KLHL1: variants seen among roughly 807,000 people sequenced by gnomAD.
KLHL1 encodes the protein kelch-like protein 1.
KLHL1 carries 47 observed loss-of-function variants against 77.7 expected under a neutral mutation model. That is an observed-to-expected ratio of 0.60 (90% CI 0.48 to 0.77). The LOEUF is 0.77. Among genes scored for constraint, KLHL1 ranks in the 30% least tolerant of loss-of-function variants. The probability of loss-of-function intolerance (pLI) is 0.00; values close to 1 mark genes in which losing one functional copy is unlikely to be tolerated. For synonymous variants in KLHL1, 360 were observed against 325.2 expected (o/e 1.11, Z -1.15); for missense variants, 925 against 910.8 (o/e 1.02, Z -0.20).
At chr13:69,712,159 C>CT in intron 9 of KLHL1, among the ~76,000 whole-genome samples, 1 of 152,118 alleles carries the variant, frequency 6.6e-6, no homozygotes, top group Admixed American at 6.6e-5. Flanking sequence ...TCTCCAACAA[C>CT]TTTTTACCCT....
intron 1 of KLHL1, among the ~76,000 whole-genome samples, chr13:70,024,620 T>TTCTCTCTCTC (rs5804459): frequency 8.7e-4 from 114 of 130,398 alleles, no homozygotes; most frequent in South Asian, 5.9e-3. Flanking sequence ...GAGAAAAGAT[T>TTCTCTCTCTC]TCTCTCTCTC....
intron 7 of KLHL1, among the ~76,000 whole-genome samples, chr13:69,773,529 G>A (rs1233273416): frequency 3.3e-5 from 5 of 152,014 alleles, no homozygotes; most frequent in Non-Finnish European, 7.4e-5. Context: ...GGTAATAAGA[G>A]AACATGTAGA....
At chr13:69,915,906 A>G (rs1326444404) in intron 4 of KLHL1, among the ~76,000 whole-genome samples, 1 of 152,200 alleles carries the variant, frequency 6.6e-6, no homozygotes, top group African/African-American at 2.4e-5. Flanking sequence ...AGAAAAAAAC[A>G]AACAACCGCA....
intron 7 of KLHL1, among the ~76,000 whole-genome samples, chr13:69,784,156 G>A (rs1220018905): frequency 6.6e-6 from 1 of 152,158 alleles, no homozygotes; most frequent in African/African-American, 2.4e-5. Flanking sequence ...TCACCACCAG[G>A]CTTGCCCTAC....
intron 6 of KLHL1, among the ~76,000 whole-genome samples, chr13:69,826,413 T>C (rs1178060144): frequency 1.3e-5 from 2 of 152,154 alleles, no homozygotes; most frequent in African/African-American, 4.8e-5. Context: ...GGTAAAATTT[T>C]GTGTCCACTA....
intron 4 of KLHL1, among the ~76,000 whole-genome samples, chr13:69,929,009 T>C (rs1373231740): frequency 6.6e-6 from 1 of 152,170 alleles, no homozygotes; most frequent in Non-Finnish European, 1.5e-5. Flanking sequence ...TATGCTCAAA[T>C]AATGTTTTGT....
intron 1 of KLHL1, among the ~76,000 whole-genome samples, chr13:70,064,588 A>G (rs1886964147): frequency 3.3e-5 from 5 of 152,178 alleles, no homozygotes. Context: ...TCCATTTTTC[A>G]TTAATATTCA....
chr13:69,924,159 G>A (rs1882736252), intron 4 of KLHL1, among the ~76,000 whole-genome samples: 1 of 152,198 alleles, frequency 6.6e-6, no homozygotes, highest in South Asian at 2.1e-4. Context: ...TGGCTTGCAG[G>A]TGCTCCTCAG....
At chr13:69,893,644 T>C (rs1881518142) in intron 4 of KLHL1, among the ~76,000 whole-genome samples, 1 of 152,220 alleles carries the variant, frequency 6.6e-6, no homozygotes, top group African/African-American at 2.4e-5. Flanking sequence ...TTATGTATGA[T>C]GCTCTAAATA....
chr13:69,762,624 CT>C (rs1417608418), intron 7 of KLHL1, among the ~76,000 whole-genome samples: 4 of 150,282 alleles, frequency 2.7e-5, no homozygotes, highest in Non-Finnish European at 4.4e-5. Flanking sequence ...ACTCTTGGAA[CT>C]GTGCACCCAT....
intron 1 of KLHL1, among the ~76,000 whole-genome samples, chr13:69,993,270 G>A (rs552292677): frequency 6.6e-6 from 1 of 152,104 alleles, no homozygotes; most frequent in South Asian, 2.1e-4. Context: ...GAACCACCAC[G>A]CTTGTAAACA....
chr13:69,827,469 C>G (rs557994943), intron 6 of KLHL1, among the ~76,000 whole-genome samples: 1 of 152,048 alleles, frequency 6.6e-6, no homozygotes, highest in South Asian at 2.1e-4. Flanking sequence ...TGGTGGCTCA[C>G]GCCTGTAATC....
At chr13:69,873,527 C>G (rs1880658679) in intron 5 of KLHL1, among the ~76,000 whole-genome samples, 1 of 152,188 alleles carries the variant, frequency 6.6e-6, no homozygotes, top group Non-Finnish European at 1.5e-5. Flanking sequence ...AAGTCTGAAT[C>G]AATATGCTCT....
chr13:69,963,042 CATTT>C (rs1215524810), intron 2 of KLHL1, among the ~76,000 whole-genome samples: 1 of 152,022 alleles, frequency 6.6e-6, no homozygotes, highest in South Asian at 2.1e-4. Context: ...TAGAGCCTAA[CATTT>C]ATTTGTTTGT....
chr13:69,832,034 G>T (rs906042987), intron 6 of KLHL1, among the ~76,000 whole-genome samples: 4 of 149,888 alleles, frequency 2.7e-5, no homozygotes, highest in Non-Finnish European at 5.9e-5. Context: ...CCTGAGAAGT[G>T]GAACAAGGCA....
chr13:69,999,167 C>T (rs575374871), intron 1 of KLHL1, among the ~76,000 whole-genome samples: 2 of 152,106 alleles, frequency 1.3e-5, no homozygotes, highest in East Asian at 3.9e-4. Flanking sequence ...GTATTATGTA[C>T]ATGTATTATA....
intron 1 of KLHL1, among the ~76,000 whole-genome samples, chr13:69,999,658 G>A (rs1365464756): frequency 6.6e-6 from 1 of 151,986 alleles, no homozygotes; most frequent in East Asian, 1.9e-4. Flanking sequence ...GACTGACTGG[G>A]ATGGCACCTA....
intron 7 of KLHL1, among the ~76,000 whole-genome samples, chr13:69,780,503 A>G (rs1298533531): frequency 6.6e-6 from 1 of 151,720 alleles, no homozygotes; most frequent in African/African-American, 2.4e-5. Context: ...TTTCAAGACA[A>G]TGAAAGCTGA....
At chr13:69,924,692 C>T (rs186944841) in intron 4 of KLHL1, among the ~76,000 whole-genome samples, 3 of 152,324 alleles carry the variant, frequency 2.0e-5, no homozygotes, top group East Asian at 3.9e-4. Context: ...CTGAAACACG[C>T]CCCTTGCTCA....
Sources: gnomAD v4.1 joint callset for allele counts (sites outside exome capture counted in the v4.1 genomes callset) on GRCh38, gnomAD v4.1.1 for gene constraint, MANE v1.5 for transcripts, NCBI Gene and HGNC (gene_info 2026-07-23, HGNC 2026-07-21) for gene names.